GRM8: variants seen among roughly 807,000 people sequenced by gnomAD.
GRM8 encodes the protein glutamate metabotropic receptor 8, also known as metabotropic glutamate receptor 8.
Under a neutral mutation model 87.2 loss-of-function variants are expected in GRM8, and 47 were observed. That is an observed-to-expected ratio of 0.54 (90% CI 0.43 to 0.69). The LOEUF (loss-of-function observed/expected upper bound fraction) is 0.69, where lower values mean the gene tolerates loss of function less well. Ranked by LOEUF, GRM8 falls within the 30% of genes least tolerant of loss-of-function variation. The probability of loss-of-function intolerance (pLI) is 0.00; values close to 1 mark genes in which losing one functional copy is unlikely to be tolerated. For missense variants in GRM8, 1,019 were observed against 1,139.2 expected, an observed-to-expected ratio of 0.89 and a Z score of 1.52; for synonymous variants, 396 against 404.5, an observed-to-expected ratio of 0.98 and a Z score of 0.25.
chr7:126,845,240 A>G (rs1288766686), intron 6 of GRM8, among the ~76,000 whole-genome samples: 1 of 152,208 alleles, frequency 6.6e-6, no homozygotes, highest in African/African-American at 2.4e-5. Context: ...TATTCCTGCA[A>G]CTTTATTACT....
chr7:126,919,967 C>A (rs987384195), intron 3 of GRM8, among the ~76,000 whole-genome samples: 1 of 152,142 alleles, frequency 6.6e-6, no homozygotes, highest in Non-Finnish European at 1.5e-5. Context: ...ATGTTATAAA[C>A]TGAATGTCTG....
intron 1 of GRM8, among the ~76,000 whole-genome samples, chr7:127,246,150 TAAAA>T (rs773148403): frequency 7.9e-5 from 12 of 152,214 alleles, no homozygotes; most frequent in Non-Finnish European, 1.8e-4. Context: ...TTTCCCCTTT[TAAAA>T]AACCTAAGGA....
At chr7:126,817,961 G>A (rs3808148) in intron 6 of GRM8, among the ~76,000 whole-genome samples, 106,477 of 151,750 alleles carry the variant, frequency 0.7, 38,124 homozygotes, top group African/African-American at 0.85. Flanking sequence ...ATTTTTGCAA[G>A]CCTTATGGAA....
chr7:126,701,691 T>C, intron 7 of GRM8: 1 of 529,662 alleles, frequency 1.9e-6, no homozygotes, highest in Non-Finnish European at 3.4e-6. Context: ...GAATTTTTTT[T>C]TAGTTTTAGA....
At chr7:127,176,767 A>T (rs1052281598) in intron 2 of GRM8, among the ~76,000 whole-genome samples, 4 of 152,204 alleles carry the variant, frequency 2.6e-5, no homozygotes, top group African/African-American at 9.6e-5. Context: ...TGTTTGTGGG[A>T]GAAGTTTCCA....
chr7:126,713,153 T>A (rs572168599), intron 7 of GRM8, among the ~76,000 whole-genome samples: 10 of 152,230 alleles, frequency 6.6e-5, no homozygotes, highest in African/African-American at 2.4e-4. Flanking sequence ...ACGTGAATGT[T>A]TATTACAGTA....
intron 6 of GRM8, among the ~76,000 whole-genome samples, chr7:126,842,831 G>A (rs895057460): frequency 3.9e-5 from 6 of 152,140 alleles, no homozygotes; most frequent in Non-Finnish European, 8.8e-5. Flanking sequence ...ATGCAGTCCT[G>A]CTGACACCTT....
rs185981527 is a variant in GRM8 at position 126,842,165 on chromosome 7, C to A, written c.1156+60377G>T. Among the ~76,000 whole-genome samples the A allele has an allele frequency of 2.6e-3, 389 of 152,210 alleles. 2 individuals are homozygous for A. Among genetic ancestry groups the A allele is most frequent in the African/African-American group, 8.9e-3 (369 of 41,532 alleles). On this transcript the variant is annotated intron_variant, in intron 6 of 10. Transcript: ENST00000339582. The stretch of plus-strand genomic sequence containing the variant: ...AGAAGAGAATACTCACTAAAGAGAA[C>A]AAAGGTCAAATAGCAAGAGAAAAAT...
rs1378582459 is a variant in GRM8, at chr7:127,243,055, A to AC, written c.149dup (p.Leu51SerfsTer34). 8 of 1,612,960 alleles carry AC rather than the reference A, an allele frequency of 5.0e-6. No individual in the cohort carries two copies. Among genetic ancestry groups the AC allele is most frequent in the Non-Finnish European group, 6.8e-6 (8 of 1,179,768 alleles). On this transcript the variant is annotated frameshift_variant, in exon 2 of 11. Transcript: ENST00000339582. LOFTEE classifies it high-confidence loss of function. ...CTCCCTTTGCGTGGACAGGGAAGAGACCCCCCAAAATAATGTCCCCATCCA... is the reference window on the plus strand; with the variant it reads ...CTCCCTTTGCGTGGACAGGGAAGAGACCCCCCCAAAATAATGTCCCCATCCA...
intron 9 of GRM8, among the ~76,000 whole-genome samples, chr7:126,532,042 C>T (rs1814903382): frequency 6.6e-6 from 1 of 152,222 alleles, no homozygotes; most frequent in Non-Finnish European, 1.5e-5. Context: ...GTTTTTCAAG[C>T]TGGTTTATCT....
At chr7:127,147,204 A>G (rs929172) in intron 2 of GRM8, among the ~76,000 whole-genome samples, 33,559 of 151,988 alleles carry the variant, frequency 0.22, 4,390 homozygotes, top group Non-Finnish European at 0.3. Flanking sequence ...GCAGCCACAG[A>G]AAGCCTCAGA....
At chr7:126,787,900 TA>T (rs1820792468) in intron 6 of GRM8, among the ~76,000 whole-genome samples, 1 of 152,170 alleles carries the variant, frequency 6.6e-6, no homozygotes, top group South Asian at 2.1e-4. Context: ...GAGAAATTCC[TA>T]AAACTTTCCG....
chr7:126,919,740 T>C (rs1314381313), intron 3 of GRM8, among the ~76,000 whole-genome samples: 1 of 152,198 alleles, frequency 6.6e-6, no homozygotes. Context: ...TTGATCCTGC[T>C]CAACTTTCCC....
chr7:126,477,834 G>A (rs1466482230), intron 9 of GRM8, among the ~76,000 whole-genome samples: 2 of 152,066 alleles, frequency 1.3e-5, no homozygotes, highest in African/African-American at 4.8e-5. Context: ...ACACAAACTG[G>A]GTGGATAGAA....
intron 3 of GRM8, among the ~76,000 whole-genome samples, chr7:127,024,067 T>C (rs527610810): frequency 6.6e-6 from 1 of 152,232 alleles, no homozygotes; most frequent in South Asian, 2.1e-4. Flanking sequence ...AAGTAGCTTT[T>C]TTAAAAGAGG....
At chr7:126,732,219 GA>G in intron 7 of GRM8, among the ~76,000 whole-genome samples, 1 of 151,934 alleles carries the variant, frequency 6.6e-6, no homozygotes, top group Non-Finnish European at 1.5e-5. Flanking sequence ...CTATACGACT[GA>G]AAAACTACAG....
intron 3 of GRM8, among the ~76,000 whole-genome samples, chr7:126,926,311 T>C (rs1425917495): frequency 6.6e-6 from 1 of 152,192 alleles, no homozygotes; most frequent in Non-Finnish European, 1.5e-5. Context: ...AGCAATATCT[T>C]TGATGGAGAC....
At chr7:126,836,134 C>T (rs890167881) in intron 6 of GRM8, among the ~76,000 whole-genome samples, 1 of 152,076 alleles carries the variant, frequency 6.6e-6, no homozygotes, top group Non-Finnish European at 1.5e-5. Flanking sequence ...CTGAAGCTCA[C>T]AGAGAATGAA....
intron 3 of GRM8, among the ~76,000 whole-genome samples, chr7:126,940,181 A>C (rs1355409525): frequency 2.6e-5 from 4 of 152,180 alleles, no homozygotes; most frequent in Non-Finnish European, 5.9e-5. Flanking sequence ...CCCCACCTGC[A>C]ATTCCAATTA....
Sources: gnomAD v4.1 joint callset for allele counts (sites outside exome capture counted in the v4.1 genomes callset) on GRCh38, gnomAD v4.1.1 for gene constraint, MANE v1.5 for transcripts, NCBI Gene and HGNC (gene_info 2026-07-23, HGNC 2026-07-21) for gene names.